The following SMYD3 variants were observed in gnomAD, a reference collection of about 807,000 sequenced individuals.
SMYD3 encodes the protein histone-lysine N-methyltransferase SMYD3.
SMYD3 carries 36 observed loss-of-function variants against 57.7 expected under a neutral mutation model. That is an observed-to-expected ratio of 0.62 (90% confidence interval 0.48 to 0.82). The LOEUF (loss-of-function observed/expected upper bound fraction) is 0.82, where lower values mean the gene tolerates loss of function less well. Among genes scored for constraint, SMYD3 ranks in the 40% least tolerant of loss-of-function variants. The pLI is 0.00. For synonymous variants in SMYD3, 211 were observed against 195.0 expected (o/e 1.08, Z -0.68); for missense variants, 515 against 538.8 (o/e 0.96, Z 0.44).
intron 10 of SMYD3, among the ~76,000 whole-genome samples, chr1:245,774,158 A>G (rs2046444753): frequency 6.6e-6 from 1 of 152,202 alleles, no homozygotes; most frequent in Non-Finnish European, 1.5e-5. Flanking sequence ...CTCCTGACAA[A>G]TAAGCAGAAT....
intron 5 of SMYD3, among the ~76,000 whole-genome samples, chr1:245,971,664 T>C (rs1024735737): frequency 6.6e-6 from 1 of 152,176 alleles, no homozygotes; most frequent in Non-Finnish European, 1.5e-5. Flanking sequence ...CTACCTTTTA[T>C]CTCTAAATCT....
Position 246,071,328 on chromosome 1 carries a change from G to GTA in SMYD3, c.532-141393_532-141392dup, listed in dbSNP as rs1427776304. On this transcript the variant is annotated intron_variant, in intron 5 of 11. Coordinates refer to ENST00000490107, the MANE Select transcript of SMYD3 (RefSeq NM_001167740.2). ...GCAGTGGCTACTTCTAGGAAGGAGG[G>GTA]TAGGACGGTGGGAGAAAACAGGGAT... Among the ~76,000 whole-genome samples the GTA allele has an allele frequency of 2.0e-5, 3 of 152,300 alleles. 1 individual carries two copies. Among genetic ancestry groups the GTA allele is most frequent in the Admixed American group, 2.0e-4 (3 of 15,304 alleles).
At chr1:246,295,679 T>C (rs2064780188) in intron 5 of SMYD3, among the ~76,000 whole-genome samples, 1 of 152,150 alleles carries the variant, frequency 6.6e-6, no homozygotes. Context: ...TTAGGCAATA[T>C]GACAGGATTT....
At chr1:245,977,928 TTAA>T (rs1170517418) in intron 5 of SMYD3, among the ~76,000 whole-genome samples, 1 of 152,130 alleles carries the variant, frequency 6.6e-6, no homozygotes, top group East Asian at 1.9e-4. Context: ...GAGGGAGATA[TTAA>T]TATTATTCCC....
chr1:246,231,135 G>A (rs551290402), intron 5 of SMYD3, among the ~76,000 whole-genome samples: 25 of 152,250 alleles, frequency 1.6e-4, no homozygotes, highest in Non-Finnish European at 2.1e-4. Context: ...GGACGTGCTC[G>A]GATGCTTGTC....
chr1:246,354,665 CAT>C (rs2065883362), intron 2 of SMYD3, among the ~76,000 whole-genome samples: 1 of 143,994 alleles, frequency 6.9e-6, no homozygotes, highest in Non-Finnish European at 1.5e-5. Flanking sequence ...TTTTTTTAAA[CAT>C]AGGATGTAGA....
At chr1:246,024,981 G>C (rs57603328) in intron 5 of SMYD3, among the ~76,000 whole-genome samples, 1 of 137,130 alleles carries the variant, frequency 7.3e-6, no homozygotes, top group African/African-American at 2.8e-5. Flanking sequence ...TCTAGGAAGG[G>C]AGATACAGCA....
intron 1 of SMYD3, among the ~76,000 whole-genome samples, chr1:246,371,399 T>C (rs1439056252): frequency 6.6e-6 from 1 of 152,150 alleles, no homozygotes; most frequent in Non-Finnish European, 1.5e-5. Context: ...ATAAGCAACC[T>C]CTTCAGTCTA....
chr1:246,010,595 A>G (rs2059264120), intron 5 of SMYD3, among the ~76,000 whole-genome samples: 1 of 152,226 alleles, frequency 6.6e-6, no homozygotes, highest in African/African-American at 2.4e-5. Context: ...TTGCTTATTC[A>G]TTAAACGAAC....
chr1:246,479,856 C>A (rs1365762628), intron 1 of SMYD3, among the ~76,000 whole-genome samples: 1 of 152,064 alleles, frequency 6.6e-6, no homozygotes, highest in South Asian at 2.1e-4. Context: ...ATCTTCAGTA[C>A]CAACAACAGT....
intron 1 of SMYD3, among the ~76,000 whole-genome samples, chr1:246,431,731 C>A (rs974022067): frequency 6.6e-6 from 1 of 152,048 alleles, no homozygotes; most frequent in African/African-American, 2.4e-5. Context: ...GATCCCATCT[C>A]AAAAAACAAA....
intron 5 of SMYD3, among the ~76,000 whole-genome samples, chr1:246,171,730 G>T (rs1407579878): frequency 2.0e-5 from 3 of 152,224 alleles, no homozygotes; most frequent in Admixed American, 1.3e-4. Context: ...ACAGTATAAG[G>T]TTGGGCATGG....
At chr1:246,039,574 T>C (rs2059833574) in intron 5 of SMYD3, among the ~76,000 whole-genome samples, 1 of 152,198 alleles carries the variant, frequency 6.6e-6, no homozygotes, top group South Asian at 2.1e-4. Flanking sequence ...AAACTGAGAT[T>C]TCATGTCTCC....
chr1:246,141,764 A>G lies in SMYD3; in HGVS notation c.531+185437T>C, dbSNP rs375280096. Among the ~76,000 whole-genome samples the G allele has an allele frequency of 2.2e-3, 333 of 152,390 alleles. 4 individuals carry two copies. The highest frequency in any genetic ancestry group is 6.8e-3 in the Middle Eastern group (2 of 294). ...TGTAAAAACATTCAAGATTCCATTT[A>G]GTAAACACATCTCCTGGAATACAGC... On this transcript the variant is annotated intron_variant, in intron 5 of 11. Transcript: ENST00000490107.
intron 5 of SMYD3, chr1:246,034,778 G>A (rs1180877557): frequency 6.6e-6 from 1 of 152,286 alleles, no homozygotes; most frequent in African/African-American, 2.4e-5. Context: ...CACGACCTTG[G>A]CCTTCTGGAG....
chr1:246,330,278 G>A (rs183194391), intron 4 of SMYD3, among the ~76,000 whole-genome samples: 7 of 152,284 alleles, frequency 4.6e-5, no homozygotes, highest in African/African-American at 1.7e-4. Context: ...TCTTCATGGC[G>A]CTTTACTAAC....
intron 5 of SMYD3, among the ~76,000 whole-genome samples, chr1:246,140,552 G>A (rs1008097632): frequency 1.3e-5 from 2 of 152,164 alleles, no homozygotes; most frequent in African/African-American, 4.8e-5. Context: ...TCCTATTAAA[G>A]TTTATACTTT....
intron 1 of SMYD3, among the ~76,000 whole-genome samples, chr1:246,450,147 C>T (rs1287241005): frequency 6.6e-6 from 1 of 152,090 alleles, no homozygotes; most frequent in Non-Finnish European, 1.5e-5. Flanking sequence ...ATTAGCCGGG[C>T]GTGGCGGCAC....
At chr1:246,297,747 T>A (rs1324367985) in intron 5 of SMYD3, among the ~76,000 whole-genome samples, 3 of 152,192 alleles carry the variant, frequency 2.0e-5, no homozygotes, top group African/African-American at 7.2e-5. Context: ...GAGAATGCTA[T>A]GAATCTACCC....
Sources: allele counts gnomAD v4.1 joint callset (sites outside exome capture counted in the v4.1 genomes callset), GRCh38; gene constraint gnomAD v4.1.1; transcripts MANE v1.5; gene names NCBI Gene and HGNC (gene_info 2026-07-23, HGNC 2026-07-21).